NBEA: variants seen among roughly 807,000 people sequenced by gnomAD.
NBEA encodes neurobeachin.
Under a neutral mutation model 343.4 loss-of-function variants are expected in NBEA, and 44 were observed. The observed-to-expected ratio is 0.13, with a 90% CI of 0.10 to 0.16. The LOEUF (loss-of-function observed/expected upper bound fraction) is 0.16. Among genes scored for constraint, NBEA ranks in the 10% least tolerant of loss-of-function variants. The pLI is 1.00. For synonymous variants in NBEA, 1,175 were observed against 1,238.7 expected (o/e 0.95, Z 1.08); for missense variants, 2,555 against 3,631.3 (o/e 0.70, Z 7.62).
chr13:35,481,065 A>G (rs2076101449), intron 41 of NBEA, among the ~76,000 whole-genome samples: 2 of 151,908 alleles, frequency 1.3e-5, no homozygotes, highest in South Asian at 2.1e-4. Flanking sequence ...ATCGTGGTTA[A>G]TTTTTTAGAA....
intron 36 of NBEA, 21 bp from the exon 37 acceptor site, chr13:35,349,087 T>C: frequency 7.2e-7 from 1 of 1,386,962 alleles, no homozygotes; most frequent in African/African-American, 1.5e-5. Flanking sequence ...ATAATATTTC[T>C]AAAGGTATTT....
intron 41 of NBEA, among the ~76,000 whole-genome samples, chr13:35,521,106 TC>T (rs1034204812): frequency 1.3e-5 from 2 of 152,070 alleles, no homozygotes; most frequent in African/African-American, 4.8e-5. Context: ...ACTGAATTGA[TC>T]AAGTCTTCCC....
chr13:35,150,931 C>G lies in NBEA; in HGVS notation c.2446-4843C>G, dbSNP rs140281825. Among the ~76,000 whole-genome samples, 32 of 151,872 alleles carry G rather than the reference C, an allele frequency of 2.1e-4. No individual in the cohort carries two copies. In the East Asian group the frequency reaches 5.9e-3, roughly 28 times the overall value. On this transcript the variant is annotated intron_variant, in intron 18 of 58. Coordinates refer to ENST00000379939, the MANE Select transcript of NBEA (RefSeq NM_001385012.1). ...AGGAGTTTAAGACCAGCCTATCCAA[C>G]ATGGTGAAACCCAGTCTCTACTAAA...
At chr13:35,542,858 A>G (rs1405628509) in intron 41 of NBEA, among the ~76,000 whole-genome samples, 3 of 152,080 alleles carry the variant, frequency 2.0e-5, no homozygotes, top group African/African-American at 7.2e-5. Flanking sequence ...AAGATGTACA[A>G]ATAAGCTCTT....
intron 41 of NBEA, among the ~76,000 whole-genome samples, chr13:35,515,977 G>GT (rs2077472367): frequency 6.6e-6 from 1 of 152,104 alleles, no homozygotes; most frequent in African/African-American, 2.4e-5. Flanking sequence ...GGTAACACAG[G>GT]TGTTTTGCTG....
At chr13:35,423,721 A>G (rs1451201940) in intron 38 of NBEA, among the ~76,000 whole-genome samples, 3 of 152,112 alleles carry the variant, frequency 2.0e-5, no homozygotes, top group Non-Finnish European at 1.5e-5. Context: ...ATGGCATTGA[A>G]TCTATAAATT....
intron 41 of NBEA, among the ~76,000 whole-genome samples, chr13:35,548,999 C>T (rs1376590264): frequency 6.6e-6 from 1 of 152,124 alleles, no homozygotes; most frequent in African/African-American, 2.4e-5. Flanking sequence ...TTCCAGGTAT[C>T]ATTATCACTG....
intron 36 of NBEA, among the ~76,000 whole-genome samples, chr13:35,332,408 A>C (rs1419454272): frequency 1.3e-5 from 2 of 152,056 alleles, no homozygotes; most frequent in Non-Finnish European, 2.9e-5. Context: ...TATAGAATAA[A>C]TATGTTAAAG....
At chr13:35,280,226 A>G (rs1004333655) in intron 34 of NBEA, among the ~76,000 whole-genome samples, 1 of 152,158 alleles carries the variant, frequency 6.6e-6, no homozygotes, top group Non-Finnish European at 1.5e-5. Flanking sequence ...AAAAGATTAT[A>G]TAGGTAATTT....
chr13:35,487,029 C>T (rs2076328252), intron 41 of NBEA, among the ~76,000 whole-genome samples: 1 of 151,796 alleles, frequency 6.6e-6, no homozygotes, highest in Non-Finnish European at 1.5e-5. Flanking sequence ...AAAGGTTTAT[C>T]CATATCATAG....
At chr13:35,533,533 C>T (rs2078374334) in intron 41 of NBEA, among the ~76,000 whole-genome samples, 1 of 152,008 alleles carries the variant, frequency 6.6e-6, no homozygotes, top group African/African-American at 2.4e-5. Flanking sequence ...GTCATTTGTT[C>T]TGAGGATAAG....
At chr13:34,943,473 C>T (rs1485136298) in intron 1 of NBEA, among the ~76,000 whole-genome samples, 1 of 152,106 alleles carries the variant, frequency 6.6e-6, no homozygotes, top group African/African-American at 2.4e-5. Context: ...GGTTCTTTTT[C>T]TCACACTTAA....
chr13:35,574,898 C>T (rs1000166507), intron 45 of NBEA, among the ~76,000 whole-genome samples: 4 of 151,898 alleles, frequency 2.6e-5, no homozygotes, highest in Admixed American at 2.0e-4. Flanking sequence ...TAAAGGCGTG[C>T]ACCACCACGC....
At chr13:35,310,742 T>C (rs1261033815) in intron 36 of NBEA, among the ~76,000 whole-genome samples, 4 of 152,188 alleles carry the variant, frequency 2.6e-5, no homozygotes, top group African/African-American at 9.7e-5. Context: ...ATGATGATTA[T>C]TTGGCATGAC....
intron 38 of NBEA, among the ~76,000 whole-genome samples, chr13:35,357,442 C>T (rs963504415): frequency 6.6e-6 from 1 of 151,898 alleles, no homozygotes; most frequent in African/African-American, 2.4e-5. Context: ...GATCTTCTCC[C>T]TCCTCCTACC....
At position 34,966,042 on chromosome 13, in the gene NBEA, G is replaced by T. The variant is rs573608506; in HGVS notation, c.294+22928G>T. 2.6e-5 allele frequency among the ~76,000 whole-genome samples: 4 copies of T among 152,072 alleles called. No individual in the cohort carries two copies. The East Asian group carries it at 7.7e-4, about 29-fold the overall frequency. On this transcript the variant is annotated intron_variant, in intron 1 of 58. Transcript: ENST00000379939. The stretch of plus-strand genomic sequence containing the variant: ...TGAGTTACATGTTTATTTCAGAAAT[G>T]TTAAATATGAAAAAATGTTTATTGG...
At chr13:35,536,450 A>G (rs925184429) in intron 41 of NBEA, among the ~76,000 whole-genome samples, 1 of 152,102 alleles carries the variant, frequency 6.6e-6, no homozygotes, top group East Asian at 1.9e-4. Context: ...TTACTTTTTT[A>G]GAACAGTTTA....
intron 39 of NBEA, among the ~76,000 whole-genome samples, chr13:35,436,697 G>T (rs1403964731): frequency 7.3e-6 from 1 of 136,570 alleles, no homozygotes; most frequent in Non-Finnish European, 1.5e-5. Context: ...GCGACAGGGA[G>T]ACTCCGTCTC....
chr13:35,585,185 T>TCTCTCCCTG (rs1160066594), intron 46 of NBEA, among the ~76,000 whole-genome samples: 3 of 123,166 alleles, frequency 2.4e-5, no homozygotes, highest in Non-Finnish European at 4.9e-5. Flanking sequence ...CTTTCCCATC[T>TCTCTCCCTG]CTCTCCCTGC....
Sources: allele counts gnomAD v4.1 joint callset (sites outside exome capture counted in the v4.1 genomes callset), GRCh38; gene constraint gnomAD v4.1.1; transcripts MANE v1.5; gene names NCBI Gene and HGNC (gene_info 2026-07-23, HGNC 2026-07-21).